The following ANKS1A variants were observed in gnomAD, a reference collection of about 807,000 sequenced individuals.
ANKS1A encodes the protein ankyrin repeat and sterile alpha motif domain containing 1A.
In ANKS1A, 55 loss-of-function variants were observed where a neutral mutation model predicts 120.3. The observed-to-expected ratio is 0.46, with a 90% CI of 0.37 to 0.57. ANKS1A has a LOEUF of 0.57. Ranked by LOEUF, ANKS1A falls within the 20% of genes least tolerant of loss-of-function variation. The pLI, the probability that ANKS1A is intolerant of heterozygous loss-of-function variation, is 0.00. For synonymous variants in ANKS1A, 590 were observed against 604.7 expected (o/e 0.98, Z 0.36); for missense variants, 1,123 against 1,480.3 (o/e 0.76, Z 3.96).
intron 11 of ANKS1A, among the ~76,000 whole-genome samples, chr6:35,028,003 G>A (rs1774716508): frequency 6.6e-6 from 1 of 152,222 alleles, no homozygotes; most frequent in South Asian, 2.1e-4. Flanking sequence ...CTGGACAGGT[G>A]GAAAACTGCC....
At chr6:35,009,724 G>T (rs534981554) in intron 10 of ANKS1A, among the ~76,000 whole-genome samples, 43 of 151,882 alleles carry the variant, frequency 2.8e-4, no homozygotes, top group African/African-American at 9.7e-4. Context: ...TCAACATGGT[G>T]AAACCCCATC....
At position 35,090,000 on chromosome 6, in the gene ANKS1A, C is replaced by CTGTT. The variant is rs1778212880; in HGVS notation, c.*1392_*1395dup. ...TGTTGGTATGTATGTGCAGGGAGTA[C>CTGTT]TGTTAGGCACATTCTTAACCCATGT... is the stretch of plus-strand genomic sequence containing the variant. On this transcript the variant is annotated 3_prime_UTR_variant, in exon 24 of 24. Coordinates refer to ENST00000360359, the MANE Select transcript of ANKS1A (RefSeq NM_015245.3). The CTGTT allele has an allele frequency of 8.3e-7, 1 of 1,199,728 alleles. No individual in the cohort carries two copies. The allele number at this position is 1,199,728 out of a possible 1,614,324, so 74.3% of individuals were successfully genotyped here.
intron 1 of ANKS1A, among the ~76,000 whole-genome samples, chr6:34,928,399 A>T (rs923742575): frequency 6.6e-6 from 1 of 152,180 alleles, no homozygotes; most frequent in Admixed American, 6.5e-5. Context: ...TAATTTTAGG[A>T]TAAGAAAGAG....
chr6:35,031,300 C>T lies in ANKS1A; in HGVS notation c.2010+13241C>T, dbSNP rs78893177. On this transcript the variant is annotated intron_variant, in intron 11 of 23. Transcript: ENST00000360359. Reference sequence around the variant, plus strand: ...CATAACAGTGACTCTACCTACTCTCCACCTAACAGCGTAATCGCCTGCTCT... The same window carrying T: ...CATAACAGTGACTCTACCTACTCTCTACCTAACAGCGTAATCGCCTGCTCT... Among the ~76,000 whole-genome samples, 51 of 152,312 alleles carry T rather than the reference C, an allele frequency of 3.3e-4. No homozygotes were observed. In the East Asian group the frequency reaches 9.3e-3, roughly 28 times the overall value.
At chr6:35,016,793 A>G (rs992415390) in intron 10 of ANKS1A, among the ~76,000 whole-genome samples, 2 of 149,220 alleles carry the variant, frequency 1.3e-5, no homozygotes, top group African/African-American at 4.9e-5. Context: ...GAGAGAGAGA[A>G]AGAAAAGTCT....
chr6:34,996,394 A>G (rs1012068590), intron 10 of ANKS1A, among the ~76,000 whole-genome samples: 3 of 152,142 alleles, frequency 2.0e-5, no homozygotes, highest in Non-Finnish European at 4.4e-5. Flanking sequence ...TTGCCTTAAC[A>G]GTGTCTTTTG....
intron 11 of ANKS1A, among the ~76,000 whole-genome samples, chr6:35,028,504 T>C (rs1774739349): frequency 6.6e-6 from 1 of 152,228 alleles, no homozygotes; most frequent in Admixed American, 6.5e-5. Context: ...TTTTTAAAAT[T>C]ATAATACCTG....
At chr6:35,039,134 G>A (rs892799630) in intron 11 of ANKS1A, among the ~76,000 whole-genome samples, 1 of 148,092 alleles carries the variant, frequency 6.8e-6, no homozygotes, top group African/African-American at 2.5e-5. Context: ...AAGTTCATGT[G>A]ATCACCACCA....
chr6:34,903,905 G>A (rs1345370634), intron 1 of ANKS1A, among the ~76,000 whole-genome samples: 1 of 152,164 alleles, frequency 6.6e-6, no homozygotes, highest in Non-Finnish European at 1.5e-5. Context: ...GCTCATTGTA[G>A]CCTTGAACTC....
At chr6:35,002,381 C>T (rs778531110) in intron 10 of ANKS1A, among the ~76,000 whole-genome samples, 3 of 152,114 alleles carry the variant, frequency 2.0e-5, no homozygotes, top group Admixed American at 6.5e-5. Context: ...CACGCATGGC[C>T]GAAGCATGAG....
intron 1 of ANKS1A, among the ~76,000 whole-genome samples, chr6:34,898,494 C>T (rs141975939): frequency 5.3e-5 from 8 of 152,212 alleles, no homozygotes; most frequent in Admixed American, 3.3e-4. Context: ...TTCATATCAG[C>T]GTAGGTCAGG....
At chr6:34,953,716 C>G (rs1377258710) in intron 1 of ANKS1A, among the ~76,000 whole-genome samples, 2 of 152,096 alleles carry the variant, frequency 1.3e-5, no homozygotes, top group African/African-American at 4.8e-5. Context: ...TTCTTTTTCC[C>G]TCTCCCCATA....
chr6:34,992,084 A>G (rs932954286), intron 9 of ANKS1A, among the ~76,000 whole-genome samples: 1 of 152,146 alleles, frequency 6.6e-6, no homozygotes, highest in Non-Finnish European at 1.5e-5. Flanking sequence ...GAGCAATTGG[A>G]TGAAGAAAAA....
At chr6:35,009,902 TAAAAAAAAAAAAAA>T (rs530605297) in intron 10 of ANKS1A, 35 of 78,452 alleles carry the variant, frequency 4.5e-4, no homozygotes, top group African/African-American at 1.9e-3. Flanking sequence ...AGACTCTGTC[TAAAAAAAAAAAAAA>T]AAAAAAAAAA....
At chr6:34,949,329 A>G (rs749212777) in intron 1 of ANKS1A, among the ~76,000 whole-genome samples, 34 of 152,288 alleles carry the variant, frequency 2.2e-4, no homozygotes, top group Non-Finnish European at 3.4e-4. Flanking sequence ...ATGGAGCCAG[A>G]AGGGTACCTG....
At chr6:35,041,446 C>T (rs1775453357) in intron 11 of ANKS1A, among the ~76,000 whole-genome samples, 1 of 152,146 alleles carries the variant, frequency 6.6e-6, no homozygotes, top group Non-Finnish European at 1.5e-5. Context: ...ATCTTTTCTG[C>T]CTTTCCTCTC....
chr6:34,918,512 CA>C (rs1768280595), intron 1 of ANKS1A, among the ~76,000 whole-genome samples: 1 of 152,216 alleles, frequency 6.6e-6, no homozygotes, highest in African/African-American at 2.4e-5. Context: ...CGGGGCTGAT[CA>C]AATGGCTGCC....
At chr6:35,018,625 G>A (rs1362246312) in intron 11 of ANKS1A, among the ~76,000 whole-genome samples, 3 of 151,964 alleles carry the variant, frequency 2.0e-5, no homozygotes, top group Non-Finnish European at 4.4e-5. Context: ...TTTGGGGTAC[G>A]ATTGATCTCA....
At chr6:34,972,910 G>C (rs181599494) in intron 3 of ANKS1A, among the ~76,000 whole-genome samples, 3 of 152,168 alleles carry the variant, frequency 2.0e-5, no homozygotes, top group Non-Finnish European at 4.4e-5. Flanking sequence ...TGGGGAAATA[G>C]AAAGGACCAT....
Sources: allele counts gnomAD v4.1 joint callset (sites outside exome capture counted in the v4.1 genomes callset), GRCh38; gene constraint gnomAD v4.1.1; transcripts MANE v1.5; gene names NCBI Gene and HGNC (gene_info 2026-07-23, HGNC 2026-07-21).